Variants in EGF observed in about 807,000 individuals in gnomAD.
EGF encodes the protein pro-epidermal growth factor.
Under a neutral mutation model 143.8 loss-of-function variants are expected in EGF, and 95 were observed. That is an observed-to-expected ratio of 0.66 (90% CI 0.56 to 0.78). The LOEUF (loss-of-function observed/expected upper bound fraction) is 0.78, where lower values mean the gene tolerates loss of function less well. EGF is among the 30% of genes least tolerant of loss of function. The probability of loss-of-function intolerance (pLI) is 0.00; values close to 1 mark genes in which losing one functional copy is unlikely to be tolerated. For missense variants in EGF, 1,320 were observed against 1,470.9 expected (o/e 0.90, Z 1.68); for synonymous variants, 510 against 510.5 (o/e 1.00, Z 0.01).
In EGF at chr4:109,929,912, T is replaced by C. The variant is rs148635326; in HGVS notation, c.128-11034T>C. On this transcript the variant is annotated intron_variant, in intron 1 of 23. Coordinates refer to ENST00000265171, the MANE Select transcript of EGF (RefSeq NM_001963.6). ...GTCCCCACTCAAATTCCATCTTGAA[T>C]TGTAATCCCCAGGTGTTGAGGGAGA... Among the ~76,000 whole-genome samples the C allele has an allele frequency of 5.1e-3, 779 of 152,288 alleles. 7 individuals carry two copies. Among genetic ancestry groups the C allele is most frequent in the African/African-American group, 0.018 (748 of 41,572 alleles).
At chr4:109,936,065 T>A (rs1177242264) in intron 1 of EGF, among the ~76,000 whole-genome samples, 1 of 152,202 alleles carries the variant, frequency 6.6e-6, no homozygotes, top group Non-Finnish European at 1.5e-5. Context: ...CCTCATAAAA[T>A]GAGTTAGGGA....
intron 11 of EGF, among the ~76,000 whole-genome samples, chr4:109,971,194 A>G (rs1389289191): frequency 2.0e-5 from 3 of 152,204 alleles, no homozygotes; most frequent in Non-Finnish European, 1.5e-5. Flanking sequence ...TGCAAAGCAT[A>G]TTCTCTTAAT....
chr4:109,994,261 T>C (rs975196016), intron 19 of EGF, among the ~76,000 whole-genome samples: 23 of 152,156 alleles, frequency 1.5e-4, no homozygotes, highest in African/African-American at 5.5e-4. Flanking sequence ...CTCTGAAGGT[T>C]AGTTTTTAGA....
intron 15 of EGF, 131 bp downstream of exon 15, chr4:109,981,106 GA>G: frequency 7.2e-7 from 1 of 1,385,292 alleles, no homozygotes; most frequent in Non-Finnish European, 1.0e-6. Flanking sequence ...GGAATGCTAA[GA>G]ATTTGTTTGT....
At chr4:110,009,731 G>A (rs1004154627) in intron 23 of EGF, among the ~76,000 whole-genome samples, 6 of 152,088 alleles carry the variant, frequency 3.9e-5, no homozygotes, top group Admixed American at 3.9e-4. Flanking sequence ...GGTGGGGGGA[G>A]ATTGAGTGAG....
In EGF at chr4:110,012,370, T is replaced by G. The variant is rs1255883857; in HGVS notation, c.*915T>G. The G allele has an allele frequency of 2.1e-5, 3 of 141,614 alleles. No homozygotes were observed. Among genetic ancestry groups the G allele is most frequent in the Non-Finnish European group, 3.0e-5 (2 of 67,694 alleles). 8.8% of individuals were successfully genotyped at this position (141,614 alleles called of 1,614,324 possible). A position where few individuals can be genotyped will look rare whatever the true frequency, so the allele number is the denominator to read the frequency against. On this transcript the variant is annotated 3_prime_UTR_variant, in exon 24 of 24. Coordinates refer to ENST00000265171, the MANE Select transcript of EGF (RefSeq NM_001963.6). ...CTTGCTGATGTTTCTGTTTTTCGTT[T>G]TTTTTTTTTTTCCGGAGAGAGGATA...
chr4:109,976,159 C>G lies in EGF; in HGVS notation c.1977C>G (p.Cys659Trp). 2 of 1,614,056 alleles carry G rather than the reference C, an allele frequency of 1.2e-6. No homozygotes were observed. Among genetic ancestry groups the G allele is most frequent in the Non-Finnish European group, 1.7e-6 (2 of 1,179,992 alleles). ...IDFLTDKLYW[C>W]DAKQSVIEMA... is the part of the protein sequence containing the mutation. ...TCTTAACTGACAAGTTGTACTGGTGCGATGCCAAGCAGTCTGTGATTGAAA... is the reference window on the plus strand; with the variant it reads ...TCTTAACTGACAAGTTGTACTGGTGGGATGCCAAGCAGTCTGTGATTGAAA... Residue 659 changes from cysteine to tryptophan, a missense_variant, in exon 13 of 24, where the codon TGC becomes TGG. By Grantham distance (215) the Cys-to-Trp change is radical. Transcript: ENST00000265171.
intron 1 of EGF, among the ~76,000 whole-genome samples, chr4:109,917,350 A>G (rs957750051): frequency 6.6e-6 from 1 of 152,238 alleles, no homozygotes; most frequent in Non-Finnish European, 1.5e-5. Context: ...GATTGTTTCT[A>G]TCAAAAGTAA....
intron 21 of EGF, among the ~76,000 whole-genome samples, chr4:110,002,597 C>T (rs190914773): frequency 1.8e-4 from 27 of 151,250 alleles, no homozygotes; most frequent in Non-Finnish European, 3.8e-4. Context: ...GGAAGGACTC[C>T]CTTGTAAGAA....
Position 109,941,084 on chromosome 4 carries a change from A to G in EGF, c.266A>G (p.Tyr89Cys), listed in dbSNP as rs1741851374. The change falls in exon 2 of 24, where the codon TAT becomes TGT. Residue 89 changes from tyrosine to cysteine, a missense_variant. Physicochemically the swap from Tyr to Cys is radical, Grantham distance 194. Coordinates refer to ENST00000265171, the MANE Select transcript of EGF (RefSeq NM_001963.6). The stretch of plus-strand genomic sequence containing the variant: ...TTTCATTATAATGAGAAAAGAATCT[A>G]TTGGGTGGATTTAGAAAGACAACTT... ...MDFHYNEKRI[Y>C]WVDLERQLLQ... 1 of 1,613,896 alleles carries G rather than the reference A, an allele frequency of 6.2e-7. No homozygotes were observed. The highest frequency in any genetic ancestry group is 1.1e-5 in the South Asian group (1 of 91,078).
Position 109,952,657 on chromosome 4 carries a change from T to C in EGF, c.941-6655T>C, listed in dbSNP as rs575779203. On this transcript the variant is annotated intron_variant, in intron 5 of 23. Coordinates refer to ENST00000265171, the MANE Select transcript of EGF (RefSeq NM_001963.6). Reference sequence around the variant, plus strand: ...AAAATTCTGTTATTCTTCACGGAAATATTAGTAAAATATGGATTGCTATCT... The same window carrying C: ...AAAATTCTGTTATTCTTCACGGAAACATTAGTAAAATATGGATTGCTATCT... 2.0e-4 allele frequency among the ~76,000 whole-genome samples: 31 copies of C among 152,360 alleles called. No homozygotes were observed. The South Asian group carries it at 6.2e-3, about 31-fold the overall frequency.
At position 110,011,325 on chromosome 4, in the gene EGF, T is replaced by G. The variant is rs765454715; in HGVS notation, c.3494T>G (p.Phe1165Cys). Reference protein sequence around the residue: ...GSCPQVMERSFHMPSYGTQTL... With the variant: ...GSCPQVMERSCHMPSYGTQTL... ...TGTCCCCAGGTAATGGAGCGAAGCT[T>G]TCATATGCCCTCCTATGGGACACAG... is the stretch of plus-strand genomic sequence containing the variant. Residue 1165 changes from phenylalanine to cysteine, a missense_variant, in exon 24 of 24, where the codon TTT (phenylalanine) becomes TGT (cysteine). Phe to Cys is a radical substitution (Grantham distance 205). Coordinates refer to ENST00000265171, the MANE Select transcript of EGF (RefSeq NM_001963.6). The G allele has an allele frequency of 1.2e-6, 2 of 1,613,982 alleles. No homozygotes were observed. Among genetic ancestry groups the G allele is most frequent in the East Asian group, 4.5e-5 (2 of 44,878 alleles).
chr4:109,938,153 T>C (rs56127537), intron 1 of EGF, among the ~76,000 whole-genome samples: 6 of 152,360 alleles, frequency 3.9e-5, no homozygotes, highest in Admixed American at 1.3e-4. Context: ...GGTACACCAA[T>C]CAAATGTAGA....
intron 1 of EGF, among the ~76,000 whole-genome samples, chr4:109,920,379 C>A (rs1005862406): frequency 3.3e-5 from 5 of 151,540 alleles, no homozygotes; most frequent in African/African-American, 7.3e-5. Flanking sequence ...CATTGGAGAG[C>A]GTTTTCAAAA....
In EGF at chr4:110,011,582, G is replaced by T; in HGVS notation, c.*127G>T. The T allele has an allele frequency of 7.1e-7, 1 of 1,398,852 alleles. No homozygotes were observed. Among genetic ancestry groups the T allele is most frequent in the East Asian group, 2.3e-5 (1 of 42,582 alleles). 86.7% of individuals were successfully genotyped at this position (1,398,852 alleles called of 1,614,324 possible). A position where few individuals can be genotyped will look rare whatever the true frequency, so the allele number is the denominator to read the frequency against. ...CTCTACGACTAATCACCTACTCAAT[G>T]CCTGGAGACAGATACGTAGTTGTGC... On this transcript the variant is annotated 3_prime_UTR_variant, in exon 24 of 24. Coordinates refer to ENST00000265171, the MANE Select transcript of EGF (RefSeq NM_001963.6).
At chr4:110,006,764 G>A (rs1044723355) in intron 22 of EGF, among the ~76,000 whole-genome samples, 1 of 152,214 alleles carries the variant, frequency 6.6e-6, no homozygotes, top group Admixed American at 6.5e-5. Flanking sequence ...TTGGCTCAGA[G>A]CTATGTTGGG....
chr4:109,981,172 T>C lies in EGF; in HGVS notation c.2371+197T>C, dbSNP rs534057062. Among the ~76,000 whole-genome samples, 14 of 152,326 alleles carry C rather than the reference T, an allele frequency of 9.2e-5. 1 individual carries two copies. In the South Asian group the frequency reaches 2.9e-3, roughly 32 times the overall value. On this transcript the variant is annotated intron_variant, in intron 15 of 23. Coordinates refer to ENST00000265171, the MANE Select transcript of EGF (RefSeq NM_001963.6). ...TTCCTTATTACAGGCAAAATTCAATTGACCTCTAGTGGTAACAGTCTTAAG... is the reference window on the plus strand; with the variant it reads ...TTCCTTATTACAGGCAAAATTCAATCGACCTCTAGTGGTAACAGTCTTAAG...
At chr4:109,943,457 C>T (rs1742269340) in intron 3 of EGF, 22 bp downstream of exon 3, 7 of 1,603,748 alleles carry the variant, frequency 4.4e-6, no homozygotes, top group Non-Finnish European at 5.1e-6. Flanking sequence ...TGTATTCAGA[C>T]ATTGAAATAT....
At chr4:110,007,659 A>T (rs11569115) in intron 22 of EGF, among the ~76,000 whole-genome samples, 12,127 of 152,186 alleles carry the variant, frequency 0.08, 1,461 homozygotes, top group African/African-American at 0.26. Context: ...AGCTTGCAAA[A>T]TTGTCATTGC....
Sources: gnomAD v4.1 joint callset for allele counts (sites outside exome capture counted in the v4.1 genomes callset) on GRCh38, gnomAD v4.1.1 for gene constraint, MANE v1.5 for transcripts, NCBI Gene and HGNC (gene_info 2026-07-23, HGNC 2026-07-21) for gene names.